KLF3: variants seen among roughly 807,000 people sequenced by gnomAD.
KLF3 encodes KLF transcription factor 3.
KLF3 carries 6 observed loss-of-function variants against 32.7 expected under a neutral mutation model. The ratio of observed to expected loss-of-function variants is 0.18; its 90% confidence interval spans 0.10 to 0.36. KLF3 has a LOEUF of 0.36. Among genes scored for constraint, KLF3 ranks in the 10% least tolerant of loss-of-function variants. The pLI, the probability that KLF3 is intolerant of heterozygous loss-of-function variation, is 1.00. For synonymous variants in KLF3, 145 were observed against 172.8 expected, an observed-to-expected ratio of 0.84 and a Z score of 1.26; for missense variants, 338 against 449.7, an observed-to-expected ratio of 0.75 and a Z score of 2.25.
At chr4:38,682,240 G>A (rs1482533001) in intron 2 of KLF3, among the ~76,000 whole-genome samples, 8 of 152,110 alleles carry the variant, frequency 5.3e-5, no homozygotes, top group Non-Finnish European at 1.0e-4. Context: ...TGTATTTTCA[G>A]TATAGGCCAG....
At chr4:38,672,521 G>T (rs1310428424) in intron 1 of KLF3, among the ~76,000 whole-genome samples, 1 of 152,204 alleles carries the variant, frequency 6.6e-6, no homozygotes, top group East Asian at 1.9e-4. Context: ...TAGATAAGCC[G>T]GAAGGGGAGG....
At position 38,671,509 on chromosome 4, in the gene KLF3, C is replaced by T. The variant is rs1194449617; in HGVS notation, c.-40+7048C>T. On this transcript the variant is annotated intron_variant, in intron 1 of 5. Coordinates refer to ENST00000261438, the MANE Select transcript of KLF3 (RefSeq NM_016531.6). This position sits in a 1 kb window ranked among gnomAD's most constrained non-coding sequence, Gnocchi z 4.4. ...CACTAATGTAAACAGACTGTCCCCA[C>T]GTTCTGTCTTCTCCGGGGACCAACC... Among the ~76,000 whole-genome samples, 6 of 152,182 alleles carry T rather than the reference C, an allele frequency of 3.9e-5. No homozygotes were observed. Among genetic ancestry groups the T allele is most frequent in the East Asian group, 1.9e-4 (1 of 5,200 alleles).
At chr4:38,684,515 G>T (rs1000471652) in intron 2 of KLF3, among the ~76,000 whole-genome samples, 2 of 149,870 alleles carry the variant, frequency 1.3e-5, no homozygotes, top group Admixed American at 1.3e-4. Flanking sequence ...TGGTTTTGTG[G>T]AGGTTTTTTT....
At chr4:38,665,938 A>C (rs941573416) in intron 1 of KLF3, among the ~76,000 whole-genome samples, 1 of 152,204 alleles carries the variant, frequency 6.6e-6, no homozygotes, top group Non-Finnish European at 1.5e-5. Context: ...TGGAGTTAGT[A>C]ATAGTGTTTA....
rs554346311 is a variant in KLF3, at chr4:38,687,771, G to C, written c.58-814G>C. ...CCATTCAAGTCTACAGCTTCATTCAGATTCTGAATAAGAACACTGAGCAAG... is the reference window on the plus strand; with the variant it reads ...CCATTCAAGTCTACAGCTTCATTCACATTCTGAATAAGAACACTGAGCAAG... On this transcript the variant is annotated intron_variant, in intron 2 of 5. Transcript: ENST00000261438. Among the ~76,000 whole-genome samples, 5 of 152,266 alleles carry C rather than the reference G, an allele frequency of 3.3e-5. No individual in the cohort carries two copies. In the South Asian group the frequency reaches 1.0e-3, roughly 32 times the overall value.
intron 1 of KLF3, among the ~76,000 whole-genome samples, chr4:38,677,878 A>AGTGTGTGT (rs56675939): frequency 0.079 from 11,524 of 146,218 alleles, 471 homozygotes; most frequent in Middle Eastern, 0.17. Flanking sequence ...GGGCAAAAGG[A>AGTGTGTGT]GTGTGTGTGT....
Position 38,697,398 on chromosome 4 carries a change from C to A in KLF3, c.*135C>A. 1 of 818,496 alleles carries A rather than the reference C, an allele frequency of 1.2e-6. No homozygotes were observed. Among genetic ancestry groups the A allele is most frequent in the Non-Finnish European group, 1.9e-6 (1 of 535,314 alleles). 50.7% of individuals were successfully genotyped at this position (818,496 alleles called of 1,614,324 possible). A position where few individuals can be genotyped will look rare whatever the true frequency, so the allele number is the denominator to read the frequency against. ...CTGGTCTGAATCTCTGAATTTATAT[C>A]ATCCAAAACTTCCATATGGTCAGTA... On this transcript the variant is annotated 3_prime_UTR_variant, in exon 6 of 6. Coordinates refer to ENST00000261438, the MANE Select transcript of KLF3 (RefSeq NM_016531.6).
intron 1 of KLF3, among the ~76,000 whole-genome samples, chr4:38,670,812 T>C (rs1295597023): frequency 6.6e-6 from 1 of 152,248 alleles, no homozygotes; most frequent in African/African-American, 2.4e-5. Flanking sequence ...TAATTTATCC[T>C]AGCATGTGAG....
rs1160003309 is a variant in KLF3, at chr4:38,671,736, AC to A, written c.-40+7276del. 1.3e-5 allele frequency among the ~76,000 whole-genome samples: 2 copies of A among 152,114 alleles called. No individual in the cohort carries two copies. Among genetic ancestry groups the A allele is most frequent in the Non-Finnish European group, 2.9e-5 (2 of 68,010 alleles). ...CTGTTTCAGTGTTCTTTTCAGTAAA[AC>A]GGGAAGGTAGTAACCACCTCATTGA... On this transcript the variant is annotated intron_variant, in intron 1 of 5. Coordinates refer to ENST00000261438, the MANE Select transcript of KLF3 (RefSeq NM_016531.6). The surrounding 1 kb of genome is among the most constrained non-coding windows in gnomAD (Gnocchi z 4.4).
At chr4:38,693,342 G>T (rs555692240) in intron 4 of KLF3, among the ~76,000 whole-genome samples, 1 of 143,854 alleles carries the variant, frequency 7.0e-6, no homozygotes, top group East Asian at 2.0e-4. Context: ...AATAAATAAT[G>T]TTTTTTTTAA....
At chr4:38,672,306 G>C (rs1026091065) in intron 1 of KLF3, among the ~76,000 whole-genome samples, 4 of 152,182 alleles carry the variant, frequency 2.6e-5, no homozygotes, top group Non-Finnish European at 5.9e-5. Flanking sequence ...TGTGGGGAGT[G>C]GGGAGGGAGC....
chr4:38,688,638 C>T lies in KLF3; in HGVS notation c.111C>T (p.Ile37=). Reference sequence around the variant, plus strand: ...TGAAGCCTAACAAGTATGGGGTCATCTACTCCACACCATTGCCTGAGAAGT... The same window carrying T: ...TGAAGCCTAACAAGTATGGGGTCATTTACTCCACACCATTGCCTGAGAAGT... ...ESMKPNKYGV[I]YSTPLPEKFF... The change falls in exon 3 of 6, where the codon ATC becomes ATT. Residue 37 remains isoleucine, a synonymous_variant. Transcript: ENST00000261438. The surrounding 1 kb of genome is among the most constrained non-coding windows in gnomAD (Gnocchi z 4.9). 1.2e-6 allele frequency: 2 copies of T among 1,613,962 alleles called. No individual in the cohort carries two copies. The highest frequency in any genetic ancestry group is 1.7e-6 in the Non-Finnish European group (2 of 1,179,836).
rs922805480 is a variant in KLF3 at position 38,671,774 on chromosome 4, G to A, written c.-40+7313G>A. On this transcript the variant is annotated intron_variant, in intron 1 of 5. Transcript: ENST00000261438. This position sits in a 1 kb window ranked among gnomAD's most constrained non-coding sequence, Gnocchi z 4.4. ...AACCACCTCATTGACATTAAACAGCGCCTGGGGATTGCCAATCACGAAGGT... is the reference window on the plus strand; with the variant it reads ...AACCACCTCATTGACATTAAACAGCACCTGGGGATTGCCAATCACGAAGGT... Among the ~76,000 whole-genome samples, 6 of 152,104 alleles carry A rather than the reference G, an allele frequency of 3.9e-5. No individual in the cohort carries two copies. The East Asian group carries it at 5.8e-4, about 15-fold the overall frequency.
rs1434108320 is a variant in KLF3 at position 38,699,629 on chromosome 4, C to T, written c.*2366C>T. The T allele has an allele frequency of 1.3e-5, 2 of 152,124 alleles. No homozygotes were observed. Among genetic ancestry groups the T allele is most frequent in the Admixed American group, 6.5e-5 (1 of 15,276 alleles). 9.4% of individuals were successfully genotyped at this position (152,124 alleles called of 1,614,324 possible). On this transcript the variant is annotated 3_prime_UTR_variant, in exon 6 of 6. Coordinates refer to ENST00000261438, the MANE Select transcript of KLF3 (RefSeq NM_016531.6). ...TGCTGTGGCATATTTAAATTTTGTT[C>T]AAAAGATTTGAAGCAAGACCTTGCA... is the stretch of plus-strand genomic sequence containing the variant.
In KLF3 at chr4:38,688,297, A is replaced by C. The variant is rs1327581829; in HGVS notation, c.58-288A>C. 6.6e-6 allele frequency among the ~76,000 whole-genome samples: 1 copy of C among 152,200 alleles called. No individual in the cohort carries two copies. The highest frequency in any genetic ancestry group is 1.5e-5 in the Non-Finnish European group (1 of 68,030). On this transcript the variant is annotated intron_variant, in intron 2 of 5. Transcript: ENST00000261438. This position sits in a 1 kb window ranked among gnomAD's most constrained non-coding sequence, Gnocchi z 4.9. ...AGAATTTTGCCAGGTATCGGCCTTA[A>C]TGTTTGACACAGGAATCATCTTAGG...
intron 1 of KLF3, among the ~76,000 whole-genome samples, chr4:38,672,712 T>A (rs942551701): frequency 6.6e-6 from 1 of 151,988 alleles, no homozygotes; most frequent in Admixed American, 6.6e-5. Flanking sequence ...GAGGGAAGGT[T>A]GTGAGCTGGA....
Position 38,700,079 on chromosome 4 carries a change from A to T in KLF3, c.*2816A>T, listed in dbSNP as rs1723157282. 6.6e-6 allele frequency: 1 copy of T among 152,240 alleles called. No homozygotes were observed. The highest frequency in any genetic ancestry group is 2.4e-5 in the African/African-American group (1 of 41,466). 9.4% of individuals were successfully genotyped at this position (152,240 alleles called of 1,614,324 possible). ...TGTTACCCAAGTGTCATCCTAGAGA[A>T]GTCAGAAGAATCAGAATCCATCGTA... is the stretch of plus-strand genomic sequence containing the variant. On this transcript the variant is annotated 3_prime_UTR_variant, in exon 6 of 6. Coordinates refer to ENST00000261438, the MANE Select transcript of KLF3 (RefSeq NM_016531.6).
chr4:38,686,443 CA>C (rs61128677), intron 2 of KLF3, among the ~76,000 whole-genome samples: 22,281 of 100,842 alleles, frequency 0.22, 1,896 homozygotes, highest in African/African-American at 0.31. Context: ...GACCCTATCT[CA>C]AAAAAAAAAA....
intron 2 of KLF3, among the ~76,000 whole-genome samples, chr4:38,685,523 G>C (rs1166792878): frequency 6.6e-6 from 1 of 152,124 alleles, no homozygotes; most frequent in Non-Finnish European, 1.5e-5. Flanking sequence ...AATATTATTA[G>C]ATTTGCAAAT....
Sources: allele counts gnomAD v4.1 joint callset (sites outside exome capture counted in the v4.1 genomes callset), GRCh38; gene constraint gnomAD v4.1.1; non-coding constraint Gnocchi (gnomAD v3.1); transcripts MANE v1.5; gene names NCBI Gene and HGNC (gene_info 2026-07-23, HGNC 2026-07-21).